The following HDAC9 variants were observed in gnomAD, a reference collection of about 807,000 sequenced individuals.
HDAC9 encodes the protein histone deacetylase 9, also known as MEF-2 interacting transcription repressor (MITR) protein.
Under a neutral mutation model 139.4 loss-of-function variants are expected in HDAC9, and 41 were observed. The observed-to-expected ratio is 0.29, with a 90% CI of 0.23 to 0.38. The LOEUF is 0.38. Among genes scored for constraint, HDAC9 ranks in the 10% least tolerant of loss-of-function variants. HDAC9 has a pLI of 1.00. For synonymous variants in HDAC9, 517 were observed against 476.2 expected, an observed-to-expected ratio of 1.09 and a Z score of -1.12; for missense variants, 1,147 against 1,297.0, an observed-to-expected ratio of 0.88 and a Z score of 1.78.
intron 1 of HDAC9, among the ~76,000 whole-genome samples, chr7:18,422,220 G>T (rs1789684969): frequency 6.6e-6 from 1 of 152,170 alleles, no homozygotes; most frequent in African/African-American, 2.4e-5. Flanking sequence ...CAAGAAAAGA[G>T]TTGGGAAATT....
intron 2 of HDAC9, among the ~76,000 whole-genome samples, chr7:18,222,780 C>G (rs1792794478): frequency 1.3e-5 from 2 of 152,042 alleles, no homozygotes; most frequent in South Asian, 4.2e-4. Flanking sequence ...AATGACAGTT[C>G]TGTTTCTTAG....
intron 19 of HDAC9, among the ~76,000 whole-genome samples, chr7:18,834,379 TG>T (rs1392996647): frequency 3.3e-5 from 5 of 151,112 alleles, no homozygotes; most frequent in East Asian, 1.9e-4. Flanking sequence ...TTAATTGAGG[TG>T]TTTTTTTTTT....
At chr7:18,829,602 G>T in intron 19 of HDAC9, 54 bp downstream of exon 19, 1 of 1,124,812 alleles carries the variant, frequency 8.9e-7, no homozygotes. Context: ...AAAGGGGAGT[G>T]GATTTGTATT....
chr7:18,965,755 G>A (rs1156778886), intron 24 of HDAC9, among the ~76,000 whole-genome samples: 2 of 152,122 alleles, frequency 1.3e-5, no homozygotes, highest in Admixed American at 6.5e-5. Context: ...CTGCTCCTGG[G>A]GGACAATATG....
chr7:18,159,890 C>T (rs1444412403), intron 1 of HDAC9, among the ~76,000 whole-genome samples: 3 of 152,096 alleles, frequency 2.0e-5, no homozygotes, highest in African/African-American at 7.2e-5. Context: ...AGTTGTTTAA[C>T]TTTAAAAAAG....
At chr7:18,428,234 C>T (rs752311434) in intron 1 of HDAC9, among the ~76,000 whole-genome samples, 12 of 152,040 alleles carry the variant, frequency 7.9e-5, no homozygotes, top group Non-Finnish European at 1.5e-4. Context: ...GAACCTCTAC[C>T]GTTTTTCATA....
At chr7:18,577,500 A>G (rs1017518600) in intron 2 of HDAC9, among the ~76,000 whole-genome samples, 4 of 152,158 alleles carry the variant, frequency 2.6e-5, no homozygotes, top group African/African-American at 9.7e-5. Flanking sequence ...AACATAGGAC[A>G]TTATTTTTCA....
At chr7:18,779,598 C>CTGTT (rs1422715785) in intron 16 of HDAC9, among the ~76,000 whole-genome samples, 1 of 152,006 alleles carries the variant, frequency 6.6e-6, no homozygotes, top group Non-Finnish European at 1.5e-5. Context: ...TGCAAAGGCT[C>CTGTT]TGTTAATTAT....
chr7:18,577,922 A>T (rs995742768), intron 2 of HDAC9, among the ~76,000 whole-genome samples: 1 of 152,144 alleles, frequency 6.6e-6, no homozygotes, highest in African/African-American at 2.4e-5. Flanking sequence ...GACTGAAAAA[A>T]AGGACTTGTT....
intron 22 of HDAC9, among the ~76,000 whole-genome samples, chr7:18,899,744 A>T: frequency 6.6e-6 from 1 of 152,040 alleles, no homozygotes; most frequent in East Asian, 1.9e-4. Context: ...AATTTGTTAT[A>T]TAACTAGGGT....
At position 18,816,344 on chromosome 7, in the gene HDAC9, CAG is replaced by C. The variant is rs1794561316; in HGVS notation, c.2323-12813_2323-12812del. Among the ~76,000 whole-genome samples the C allele has an allele frequency of 3.3e-5, 5 of 152,282 alleles. No homozygotes were observed. The South Asian group carries it at 1.0e-3, about 32-fold the overall frequency. ...AATCACGTGGAACTATTTTTCATCACAGAGATTAGTGTAGCTAAAGAGGAAGA... is the reference window on the plus strand; with the variant it reads ...AATCACGTGGAACTATTTTTCATCACAGATTAGTGTAGCTAAAGAGGAAGA... On this transcript the variant is annotated intron_variant, in intron 17 of 25. Coordinates refer to ENST00000686413, the MANE Select transcript of HDAC9 (RefSeq NM_178425.4).
At chr7:18,945,460 C>A (rs1239690021) in intron 23 of HDAC9, among the ~76,000 whole-genome samples, 1 of 152,136 alleles carries the variant, frequency 6.6e-6, no homozygotes, top group East Asian at 1.9e-4. Context: ...TTAAAGGTGA[C>A]CTTTGATAAT....
At chr7:18,534,976 A>T (rs1335361455) in intron 2 of HDAC9, among the ~76,000 whole-genome samples, 1 of 151,928 alleles carries the variant, frequency 6.6e-6, no homozygotes, top group East Asian at 1.9e-4. Context: ...GCGCTTGACC[A>T]CTCGTCTTCC....
intron 1 of HDAC9, among the ~76,000 whole-genome samples, chr7:18,374,049 A>G (rs985258797): frequency 2.6e-5 from 4 of 151,844 alleles, no homozygotes; most frequent in African/African-American, 7.2e-5. Context: ...AAATGTCACT[A>G]GTTCCCTCTC....
chr7:18,842,991 C>A (rs1796683132), intron 21 of HDAC9, among the ~76,000 whole-genome samples: 1 of 152,068 alleles, frequency 6.6e-6, no homozygotes, highest in Admixed American at 6.6e-5. Context: ...TCAAATGCTA[C>A]AACTTACTTC....
At chr7:18,393,633 A>G (rs1165513588) in intron 1 of HDAC9, among the ~76,000 whole-genome samples, 2 of 152,208 alleles carry the variant, frequency 1.3e-5, no homozygotes, top group East Asian at 3.8e-4. Flanking sequence ...GTGAGCTAAA[A>G]TTAAAGCCAC....
chr7:18,709,063 A>G (rs1418959961), intron 12 of HDAC9, among the ~76,000 whole-genome samples: 3 of 135,772 alleles, frequency 2.2e-5, no homozygotes, highest in Non-Finnish European at 4.5e-5. Context: ...AGAACACTGG[A>G]CTTTGTTTCT....
chr7:18,727,876 C>CAATTTT, intron 13 of HDAC9, 119 bp downstream of exon 13: 1 of 756,126 alleles, frequency 1.3e-6, no homozygotes, highest in Non-Finnish European at 1.9e-6. Context: ...TAACCCAGTG[C>CAATTTT]AACCCAAATT....
At chr7:18,778,200 A>T (rs1375425492) in intron 16 of HDAC9, among the ~76,000 whole-genome samples, 1 of 152,022 alleles carries the variant, frequency 6.6e-6, no homozygotes. Context: ...CGTAAGAAAA[A>T]AACAATTGCT....
Sources: allele counts gnomAD v4.1 joint callset (sites outside exome capture counted in the v4.1 genomes callset), GRCh38; gene constraint gnomAD v4.1.1; transcripts MANE v1.5; gene names NCBI Gene and HGNC (gene_info 2026-07-23, HGNC 2026-07-21).